The following MUC4 variants were observed in gnomAD, a reference collection of about 807,000 sequenced individuals.
MUC4 encodes mucin 4, cell surface associated, also known as mucin-4.
Under a neutral mutation model 257.9 loss-of-function variants are expected in MUC4, and 202 were observed. That is an observed-to-expected ratio of 0.78 (90% confidence interval 0.70 to 0.88). The LOEUF (loss-of-function observed/expected upper bound fraction) is 0.88. Among genes scored for constraint, MUC4 ranks in the 40% least tolerant of loss-of-function variants. MUC4 has a pLI of 0.00. For synonymous variants in MUC4, 2,351 were observed against 2,757.1 expected (o/e 0.85, Z 4.62); for missense variants, 5,976 against 6,513.7 (o/e 0.92, Z 2.84).
chr3:195,784,068 T>G lies in MUC4; in HGVS notation c.7512A>C (p.Ser2504=). The G allele has an allele frequency of 1.3e-6, 2 of 1,529,034 alleles. No individual in the cohort carries two copies. Among genetic ancestry groups the G allele is most frequent in the Non-Finnish European group, 1.8e-6 (2 of 1,137,760 alleles). The allele number at this position is 1,529,034 out of a possible 1,614,324, so 94.7% of individuals were successfully genotyped here. A position where few individuals can be genotyped will look rare whatever the true frequency, so the allele number is the denominator to read the frequency against. ...GAGGGGTGGTGTGACCTGTAGATGCTGAGGAAGGGCTGGTGACAGGAAGAC... is the reference window on the plus strand; with the variant it reads ...GAGGGGTGGTGTGACCTGTAGATGCGGAGGAAGGGCTGGTGACAGGAAGAC... The part of the protein sequence containing the change: ...TTRLPVTSPS[S]ASTGHTTPLP... The change falls in exon 2 of 25, where the codon TCA becomes TCC. Residue 2504 remains serine, a synonymous_variant. Coordinates refer to ENST00000463781, the MANE Select transcript of MUC4 (RefSeq NM_018406.7).
chr3:195,802,494 GGCCTGCCCT>G (rs912101131), intron 1 of MUC4, among the ~76,000 whole-genome samples: 8 of 151,170 alleles, frequency 5.3e-5, no homozygotes, highest in Non-Finnish European at 7.4e-5. Context: ...TTTGGAAAAT[GGCCTGCCCT>G]GCCTGCCCTG....
chr3:195,774,329 G>A, intron 3 of MUC4, 24 bp from the exon 4 acceptor site: 2 of 1,499,948 alleles, frequency 1.3e-6, no homozygotes, highest in East Asian at 2.5e-5. Context: ...GAGAAGAGCA[G>A]GAAGTCCAAG....
Position 195,788,462 on chromosome 3 carries a change from G to A in MUC4, c.3118C>T (p.Pro1040Ser), listed in dbSNP as rs1337422760. The change falls in exon 2 of 25, where the codon CCT becomes TCT. Residue 1040 changes from proline to serine, a missense_variant. By Grantham distance (74) the Pro-to-Ser change is moderately conservative. Around this residue, in one of 44 missense-constraint regions of MUC4, gnomAD observed 1,583 missense variants for 1,257.4 expected, o/e 1.26. Transcript: ENST00000463781. ...TSSESTGHVTPLPVTSFSSAS... is the reference protein window; with the variant it reads ...TSSESTGHVTSLPVTSFSSAS... ...GAGGAAAAGCTGGTGACAGGAAGAGGGGTGACGTGACCTGTGGATTCTGAG... is the reference window on the plus strand; with the variant it reads ...GAGGAAAAGCTGGTGACAGGAAGAGAGGTGACGTGACCTGTGGATTCTGAG... 2 of 1,522,272 alleles carry A rather than the reference G, an allele frequency of 1.3e-6. No homozygotes were observed. Among genetic ancestry groups the A allele is most frequent in the South Asian group, 1.2e-5 (1 of 82,452 alleles). The allele number at this position is 1,522,272 out of a possible 1,614,324, so 94.3% of individuals were successfully genotyped here.
chr3:195,790,863 T>A lies in MUC4; in HGVS notation c.717A>T (p.Thr239=). 10 of 1,613,912 alleles carry A rather than the reference T, an allele frequency of 6.2e-6. No homozygotes were observed. The highest frequency in any genetic ancestry group is 8.5e-6 in the Non-Finnish European group (10 of 1,179,872). ...HNVTGTVSQK[T]SPSGETATSS... ...AGGTAGCTGTTTCACCTGAAGGAGA[T>A]GTCTTCTGAGAAACAGTCCCTGTCA... The change falls in exon 2 of 25, where the codon ACA becomes ACT. Residue 239 remains threonine (T), a synonymous_variant. Coordinates refer to ENST00000463781, the MANE Select transcript of MUC4 (RefSeq NM_018406.7).
intron 1 of MUC4, among the ~76,000 whole-genome samples, chr3:195,794,858 T>G (rs1418820157): frequency 1.3e-5 from 2 of 152,162 alleles, no homozygotes; most frequent in Non-Finnish European, 2.9e-5. Context: ...AAAAAGTGAC[T>G]CACGTGCAAG....
rs374229585 is a variant in MUC4, at chr3:195,789,155, C to T, written c.2425G>A (p.Gly809Arg). The T allele has an allele frequency of 4.6e-5, 75 of 1,613,742 alleles. No homozygotes were observed. The highest frequency in any genetic ancestry group is 2.8e-4 in the African/African-American group (21 of 74,962). ...SAGTATPSSS[G>R]ASGTTPSGSE... is the part of the protein sequence containing the mutation. Reference sequence around the variant, plus strand: ...CCTGAAGGTGTTGTGCCACTCGCCCCGGATGAGGAAGGGGTAGCTGTGCCC... The same window carrying T: ...CCTGAAGGTGTTGTGCCACTCGCCCTGGATGAGGAAGGGGTAGCTGTGCCC... Residue 809 changes from glycine (G) to arginine (R), a missense_variant, in exon 2 of 25, where the codon GGG becomes AGG. Gly to Arg is a moderately radical substitution (Grantham distance 125). Coordinates refer to ENST00000463781, the MANE Select transcript of MUC4 (RefSeq NM_018406.7).
At chr3:195,768,721 G>A (rs900386250) in intron 7 of MUC4, among the ~76,000 whole-genome samples, 2 of 152,204 alleles carry the variant, frequency 1.3e-5, no homozygotes, top group Non-Finnish European at 2.9e-5. Context: ...TTATTATCAC[G>A]ATATTTGAGA....
chr3:195,796,542 T>C (rs920660785), intron 1 of MUC4, among the ~76,000 whole-genome samples: 1 of 151,240 alleles, frequency 6.6e-6, no homozygotes, highest in East Asian at 2.0e-4. Flanking sequence ...GAAAAAAAAA[T>C]TAGCTGGGCA....
At chr3:195,808,933 G>A (rs756765751) in intron 1 of MUC4, among the ~76,000 whole-genome samples, 16 of 152,182 alleles carry the variant, frequency 1.1e-4, no homozygotes, top group Non-Finnish European at 1.0e-4. Context: ...ACCCTTCCCC[G>A]TGGAGTGCGC....
chr3:195,763,041 C>G, intron 12 of MUC4, 96 bp from the exon 13 acceptor site: 1 of 1,084,562 alleles, frequency 9.2e-7, no homozygotes, highest in Non-Finnish European at 1.3e-6. Context: ...GAAGCTGCGC[C>G]CTGGGCCGGG....
At position 195,782,335 on chromosome 3, in the gene MUC4, G is replaced by C. The variant is rs776094591; in HGVS notation, c.9245C>G (p.Ser3082Cys). ...PLPVTDTSSA[S>C]TGHATPLPVT... ...AGGAAGAGGGGTGGCGTGACCTGTG[G>C]ATGCTGAGGAAGTGTCGGTGACAGG... The change falls in exon 2 of 25, where the codon TCC becomes TGC. Residue 3082 changes from serine to cysteine, a missense_variant. Transcript: ENST00000463781. 1 of 1,462,200 alleles carries C rather than the reference G, an allele frequency of 6.8e-7. No homozygotes were observed. The highest frequency in any genetic ancestry group is 1.5e-5 in the African/African-American group (1 of 67,462). The allele number at this position is 1,462,200 out of a possible 1,614,324, so 90.6% of individuals were successfully genotyped here. A position where few individuals can be genotyped will look rare whatever the true frequency, so the allele number is the denominator to read the frequency against.
Position 195,789,926 on chromosome 3 carries a change from T to C in MUC4, c.1654A>G (p.Ser552Gly). 2 of 1,613,998 alleles carry C rather than the reference T, an allele frequency of 1.2e-6. No homozygotes were observed. The highest frequency in any genetic ancestry group is 1.7e-6 in the Non-Finnish European group (2 of 1,179,878). Residue 552 changes from serine (S) to glycine (G), a missense_variant, in exon 2 of 25, where the codon AGC becomes GGC. Transcript: ENST00000463781. ...CCTGTTGTTTTTGGGAGAGTTGTGC[T>C]GTGGGAGGAGTATGTGGTGGGCTCT... Reference protein sequence around the residue: ...PGEPTTYSSHSTTLPKTTGAG... With the variant: ...PGEPTTYSSHGTTLPKTTGAG...
chr3:195,784,765 G>C lies in MUC4; in HGVS notation c.6815C>G (p.Ser2272Cys), dbSNP rs1343515378. 3 of 1,451,740 alleles carry C rather than the reference G, an allele frequency of 2.1e-6. No individual in the cohort carries two copies. The highest frequency in any genetic ancestry group is 2.0e-5 in the Admixed American group (1 of 48,876). 89.9% of individuals were successfully genotyped at this position (1,451,740 alleles called of 1,614,324 possible). A position where few individuals can be genotyped will look rare whatever the true frequency, so the allele number is the denominator to read the frequency against. The change falls in exon 2 of 25, where the codon TCT (serine) becomes TGT (cysteine). Residue 2272 changes from serine (S) to cysteine (C), a missense_variant. Physicochemically the swap from Ser to Cys is moderately radical, Grantham distance 112. This residue lies in a region of MUC4 where 62 missense variants were observed against 74.0 expected (regional missense o/e 0.84). Coordinates refer to ENST00000463781, the MANE Select transcript of MUC4 (RefSeq NM_018406.7). ...TGAGGAAAGGCTGGTGACAGGAAGA[G>C]AGGTGGCGTGACCTGTGGACACTGA... Reference protein sequence around the residue: ...ASSVSTGHATSLPVTSLSSVS... With the variant: ...ASSVSTGHATCLPVTSLSSVS...
At chr3:195,802,383 G>GCACCCCTGCTCCCAGCCTCCACCA (rs1735444701) in intron 1 of MUC4, among the ~76,000 whole-genome samples, 1 of 150,194 alleles carries the variant, frequency 6.7e-6, no homozygotes, top group East Asian at 2.0e-4. Context: ...CTCGGGTTCC[G>GCACCCCTGCTCCCAGCCTCCACCA]CACCCCTGCT....
rs1398121088 is a variant in MUC4 at position 195,748,935 on chromosome 3, T to C, written c.16001A>G (p.Gln5334Arg). 1 of 1,597,024 alleles carries C rather than the reference T, an allele frequency of 6.3e-7. No homozygotes were observed. The highest frequency in any genetic ancestry group is 1.1e-5 in the South Asian group (1 of 88,406). The change falls in exon 24 of 25, where the codon CAG (glutamine) becomes CGG (arginine). Residue 5334 changes from glutamine to arginine, a missense_variant. By Grantham distance (43) the Gln-to-Arg change is conservative. Transcript: ENST00000463781. ...CSRGYCDHGG[Q>R]CQHLPSGPRC... ...GGGCCCACTGGGCAGGTGCTGGCAC[T>C]GGCCTCCATGGTCACAGTAGCCCCT...
In MUC4 at chr3:195,784,063, G is replaced by C. The variant is rs571926842; in HGVS notation, c.7517C>G (p.Ser2506Cys). 3.3e-6 allele frequency: 5 copies of C among 1,530,824 alleles called. No individual in the cohort carries two copies. Among genetic ancestry groups the C allele is most frequent in the Admixed American group, 2.0e-5 (1 of 50,386 alleles). 94.8% of individuals were successfully genotyped at this position (1,530,824 alleles called of 1,614,324 possible). ...RLPVTSPSSA[S>C]TGHTTPLPVT... ...AGGTAGAGGGGTGGTGTGACCTGTA[G>C]ATGCTGAGGAAGGGCTGGTGACAGG... Residue 2506 changes from serine (S) to cysteine (C), a missense_variant, in exon 2 of 25, where the codon TCT becomes TGT. Physicochemically the swap from Ser to Cys is moderately radical, Grantham distance 112. Around this residue, in one of 44 missense-constraint regions of MUC4, gnomAD observed 135 missense variants for 114.7 expected, o/e 1.18. Coordinates refer to ENST00000463781, the MANE Select transcript of MUC4 (RefSeq NM_018406.7).
chr3:195,758,777 G>T (rs1319937270), intron 17 of MUC4, among the ~76,000 whole-genome samples: 1 of 148,938 alleles, frequency 6.7e-6, no homozygotes, highest in Non-Finnish European at 1.5e-5. Flanking sequence ...CACCATGTTG[G>T]CCAGACTGGT....
chr3:195,789,493 G>A lies in MUC4; in HGVS notation c.2087C>T (p.Ala696Val), dbSNP rs200688313. 2.3e-4 allele frequency: 365 copies of A among 1,613,902 alleles called. No homozygotes were observed. The highest frequency in any genetic ancestry group is 2.9e-4 in the Non-Finnish European group (339 of 1,179,856). ...GTGACCATCCCCGGTGGGAGCTGGG[G>A]CAAAGGTTGTTGCTGCACTTATGGT... ...APTISAATTF[A>V]PAPTGDGHTT... Residue 696 changes from alanine to valine, a missense_variant, in exon 2 of 25, where the codon GCC (alanine) becomes GTC (valine). By Grantham distance (64) the Ala-to-Val change is moderately conservative. Coordinates refer to ENST00000463781, the MANE Select transcript of MUC4 (RefSeq NM_018406.7).
Position 195,790,356 on chromosome 3 carries a change from C to G in MUC4, c.1224G>C (p.Glu408Asp), listed in dbSNP as rs1310046185. The G allele has an allele frequency of 1.2e-6, 2 of 1,613,856 alleles. No homozygotes were observed. The highest frequency in any genetic ancestry group is 3.3e-5 in the Admixed American group (2 of 60,014). The change falls in exon 2 of 25, where the codon GAG becomes GAC. Residue 408 changes from glutamate to aspartate, a missense_variant. This residue lies in a region of MUC4 where 1,583 missense variants were observed against 1,257.4 expected (regional missense o/e 1.26). Transcript: ENST00000463781. ...TSRDSTLGNT[E>D]ETSLSVSGTI... ...TTCCACTTACAGATAGTGATGTCTC[C>G]TCTGTGTTTCCAAGAGTAGAGTCTC... is the stretch of plus-strand genomic sequence containing the variant.
Sources: allele counts gnomAD v4.1 joint callset (sites outside exome capture counted in the v4.1 genomes callset), GRCh38; gene constraint gnomAD v4.1.1; regional missense constraint gnomAD v4.1.1; transcripts MANE v1.5; gene names NCBI Gene and HGNC (gene_info 2026-07-23, HGNC 2026-07-21).